Variants in LRRC4C observed in about 807,000 individuals in gnomAD.
LRRC4C encodes leucine-rich repeat-containing protein 4C.
LRRC4C carries 5 observed loss-of-function variants against 33.6 expected under a neutral mutation model. The observed-to-expected ratio is 0.15, with a 90% CI of 0.08 to 0.31. The LOEUF (loss-of-function observed/expected upper bound fraction) is 0.31. Ranked by LOEUF, LRRC4C falls within the 10% of genes least tolerant of loss-of-function variation. The pLI is 1.00. For missense variants in LRRC4C, 560 were observed against 796.7 expected (o/e 0.70, Z 3.58); for synonymous variants, 329 against 302.0 (o/e 1.09, Z -0.93).
intron 3 of LRRC4C, among the ~76,000 whole-genome samples, chr11:40,474,313 C>A (rs1213258329): frequency 6.6e-6 from 1 of 152,026 alleles, no homozygotes; most frequent in South Asian, 2.1e-4. Context: ...ACAAACATGA[C>A]AAAAACAAGC....
At chr11:40,762,759 T>C (rs919152928) in intron 2 of LRRC4C, among the ~76,000 whole-genome samples, 8 of 152,104 alleles carry the variant, frequency 5.3e-5, no homozygotes, top group East Asian at 3.9e-4. Context: ...ATATAAATTT[T>C]TTTTAGTCTA....
At chr11:40,803,757 G>A (rs1418754804) in intron 2 of LRRC4C, among the ~76,000 whole-genome samples, 1 of 152,114 alleles carries the variant, frequency 6.6e-6, no homozygotes, top group Non-Finnish European at 1.5e-5. Context: ...ACAGGCGTGA[G>A]CCACCACGCC....
At chr11:40,610,994 G>T (rs1591269788) in intron 3 of LRRC4C, among the ~76,000 whole-genome samples, 1 of 151,758 alleles carries the variant, frequency 6.6e-6, no homozygotes, top group Admixed American at 6.6e-5. Context: ...AAATACCAAT[G>T]ATTGTTTCTG....
At chr11:40,244,720 G>T (rs1162737816) in intron 4 of LRRC4C, among the ~76,000 whole-genome samples, 1 of 151,912 alleles carries the variant, frequency 6.6e-6, no homozygotes, top group East Asian at 1.9e-4. Context: ...TTCAGCAGTG[G>T]GCTAAGGGGA....
intron 1 of LRRC4C, among the ~76,000 whole-genome samples, chr11:41,356,671 T>C (rs1952173189): frequency 6.6e-6 from 1 of 152,130 alleles, no homozygotes; most frequent in African/African-American, 2.4e-5. Context: ...ACACTGTGAA[T>C]TCAGACAGTT....
chr11:40,206,734 A>C (rs1238385823), intron 5 of LRRC4C, among the ~76,000 whole-genome samples: 4 of 152,192 alleles, frequency 2.6e-5, no homozygotes, highest in Non-Finnish European at 4.4e-5. Flanking sequence ...GAGGGATTCT[A>C]AATCATGCTA....
In LRRC4C at chr11:40,992,041, T is replaced by C. The variant is rs571594542; in HGVS notation, c.-495-58318A>G. 3.9e-5 allele frequency among the ~76,000 whole-genome samples: 6 copies of C among 152,338 alleles called. No homozygotes were observed. The South Asian group carries it at 1.0e-3, about 26-fold the overall frequency. ...ATTGGTATGTTTTCATATTTCACAT[T>C]GAAATTAACCTTTTAAAAACATCCA... On this transcript the variant is annotated intron_variant, in intron 1 of 6. Coordinates refer to ENST00000528697, the MANE Select transcript of LRRC4C (RefSeq NM_001258419.2).
chr11:41,443,348 A>C (rs1391664688), intron 1 of LRRC4C, among the ~76,000 whole-genome samples: 1 of 151,978 alleles, frequency 6.6e-6, no homozygotes, highest in African/African-American at 2.4e-5. Context: ...TTTCTACTGA[A>C]ATCCAAAAAA....
chr11:40,960,533 T>C (rs1592194808), intron 1 of LRRC4C, among the ~76,000 whole-genome samples: 1 of 151,734 alleles, frequency 6.6e-6, no homozygotes, highest in Non-Finnish European at 1.5e-5. Context: ...GAACATAGTG[T>C]GACCTCTGCA....
At chr11:41,041,660 C>T (rs1239512678) in intron 1 of LRRC4C, among the ~76,000 whole-genome samples, 2 of 152,110 alleles carry the variant, frequency 1.3e-5, no homozygotes, top group East Asian at 3.9e-4. Context: ...AATGTGCACA[C>T]ACTCATACAC....
At chr11:40,163,491 T>C (rs1253613855) in intron 5 of LRRC4C, among the ~76,000 whole-genome samples, 1 of 152,170 alleles carries the variant, frequency 6.6e-6, no homozygotes, top group East Asian at 1.9e-4. Flanking sequence ...AATGGAACCA[T>C]GGCTGATTTT....
chr11:40,776,062 T>C (rs1008794712), intron 2 of LRRC4C, among the ~76,000 whole-genome samples: 1 of 149,580 alleles, frequency 6.7e-6, no homozygotes, highest in Admixed American at 6.6e-5. Flanking sequence ...TCTGTATATG[T>C]GGTGAATCAC....
At chr11:40,450,132 G>T (rs918337712) in intron 3 of LRRC4C, among the ~76,000 whole-genome samples, 2 of 151,986 alleles carry the variant, frequency 1.3e-5, no homozygotes, top group African/African-American at 4.8e-5. Context: ...CAGGTATAGG[G>T]CAAAGGTCAT....
At chr11:40,478,036 C>T (rs139626344) in intron 3 of LRRC4C, among the ~76,000 whole-genome samples, 3,970 of 152,244 alleles carry the variant, frequency 0.026, 178 homozygotes, top group African/African-American at 0.09. Flanking sequence ...CCACGTAAGA[C>T]ATGACTTGCT....
chr11:41,178,532 T>G (rs1377149807), intron 1 of LRRC4C, among the ~76,000 whole-genome samples: 1 of 152,058 alleles, frequency 6.6e-6, no homozygotes, highest in East Asian at 1.9e-4. Context: ...TTTTGTACTT[T>G]TTTTTGTAGA....
chr11:41,278,183 T>G (rs1050372856), intron 1 of LRRC4C, among the ~76,000 whole-genome samples: 3 of 152,206 alleles, frequency 2.0e-5, no homozygotes, highest in African/African-American at 7.2e-5. Context: ...AAAGTGTATA[T>G]TAAGTGTTCT....
chr11:41,313,350 G>C (rs1174836190), intron 1 of LRRC4C, among the ~76,000 whole-genome samples: 1 of 152,202 alleles, frequency 6.6e-6, no homozygotes, highest in Non-Finnish European at 1.5e-5. Context: ...AAAAGCTTCT[G>C]TCTGGCCAGA....
At chr11:40,209,760 C>T (rs138932927) in intron 5 of LRRC4C, among the ~76,000 whole-genome samples, 264 of 152,218 alleles carry the variant, frequency 1.7e-3, no homozygotes, top group South Asian at 7.7e-3. Context: ...ACAACAAAAA[C>T]GCTTTGCATT....
chr11:40,336,976 CAAAAAAAAAAAAA>C (rs34144874), intron 3 of LRRC4C, among the ~76,000 whole-genome samples: 1,446 of 79,294 alleles, frequency 0.018, 33 homozygotes, highest in Non-Finnish European at 0.022. Flanking sequence ...GACTTCGTCT[CAAAAAAAAAAAAA>C]AAAAAAAAAA....
Sources: gnomAD v4.1 joint callset for allele counts (sites outside exome capture counted in the v4.1 genomes callset) on GRCh38, gnomAD v4.1.1 for gene constraint, MANE v1.5 for transcripts, NCBI Gene and HGNC (gene_info 2026-07-23, HGNC 2026-07-21) for gene names.